STX8: variants seen among roughly 807,000 people sequenced by gnomAD.
STX8 encodes syntaxin-8.
STX8 carries 23 observed loss-of-function variants against 37.5 expected under a neutral mutation model. That is an observed-to-expected ratio of 0.61 (90% CI 0.44 to 0.87). The LOEUF is 0.87. Ranked by LOEUF, STX8 falls within the 40% of genes least tolerant of loss-of-function variation. The pLI, the probability that STX8 is intolerant of heterozygous loss-of-function variation, is 0.00. For synonymous variants in STX8, 115 were observed against 99.1 expected (o/e 1.16, Z -0.95); for missense variants, 313 against 284.7 (o/e 1.10, Z -0.71).
chr17:9,546,595 T>TTTG (rs1169616010), intron 3 of STX8, among the ~76,000 whole-genome samples: 25 of 114,356 alleles, frequency 2.2e-4, no homozygotes, highest in African/African-American at 7.8e-4. Context: ...AAAGTGGTTT[T>TTTG]TTTTTTTTTT....
intron 4 of STX8, among the ~76,000 whole-genome samples, chr17:9,525,400 G>A (rs1171731912): frequency 1.3e-5 from 2 of 151,188 alleles, no homozygotes; most frequent in Non-Finnish European, 2.9e-5. Flanking sequence ...AGGCTGGAGT[G>A]CAATGGCATG....
At chr17:9,300,331 CA>C (rs3060137) in intron 7 of STX8, among the ~76,000 whole-genome samples, 3,643 of 69,252 alleles carry the variant, frequency 0.053, 47 homozygotes, top group Middle Eastern at 0.11. Context: ...AACTCCATCT[CA>C]AAAAAAAAAA....
At position 9,350,611 on chromosome 17, in the gene STX8, C is replaced by A. The variant is rs138415944; in HGVS notation, c.643+27941G>T. ...GCAGTGGCACGATCTCGGCTCACTG[C>A]AACCTCTGCCTCCCAGGTTCAAGTG... On this transcript the variant is annotated intron_variant, in intron 7 of 7. Transcript: ENST00000306357. 4.9e-3 allele frequency among the ~76,000 whole-genome samples: 750 copies of A among 152,294 alleles called. 2 individuals carry two copies. The highest frequency in any genetic ancestry group is 0.017 in the African/African-American group (712 of 41,554).
At chr17:9,425,646 T>C (rs1038800686) in intron 6 of STX8, among the ~76,000 whole-genome samples, 4 of 152,172 alleles carry the variant, frequency 2.6e-5, no homozygotes, top group Admixed American at 2.6e-4. Context: ...AAAATTTCAA[T>C]GTGTTAAGAT....
At chr17:9,448,629 A>T (rs1904937348) in intron 6 of STX8, among the ~76,000 whole-genome samples, 1 of 152,194 alleles carries the variant, frequency 6.6e-6, no homozygotes, top group Admixed American at 6.5e-5. Flanking sequence ...ATCTATACCT[A>T]TCTATGTATA....
intron 6 of STX8, among the ~76,000 whole-genome samples, chr17:9,463,085 G>T (rs1257735868): frequency 6.6e-6 from 1 of 152,216 alleles, no homozygotes; most frequent in African/African-American, 2.4e-5. Flanking sequence ...CACTGAGGAA[G>T]AATGTAAAAG....
intron 6 of STX8, among the ~76,000 whole-genome samples, chr17:9,404,982 A>ATT (rs113556947): frequency 4.1e-5 from 6 of 146,716 alleles, no homozygotes; most frequent in African/African-American, 1.5e-4. Context: ...CACATCCCCA[A>ATT]TTTTTTTTTT....
chr17:9,334,139 G>GGA (rs1910063614), intron 7 of STX8, among the ~76,000 whole-genome samples: 1 of 119,938 alleles, frequency 8.3e-6, no homozygotes, highest in Admixed American at 8.6e-5. Flanking sequence ...TCCTGGGTGC[G>GGA]GGGGGGTGTG....
At chr17:9,264,332 T>C (rs1254656100) in intron 7 of STX8, among the ~76,000 whole-genome samples, 1 of 152,192 alleles carries the variant, frequency 6.6e-6, no homozygotes, top group Non-Finnish European at 1.5e-5. Flanking sequence ...TGAGACAGGG[T>C]CTTACTCTGT....
chr17:9,299,223 C>T (rs1016858446), intron 7 of STX8, among the ~76,000 whole-genome samples: 18 of 152,050 alleles, frequency 1.2e-4, no homozygotes, highest in Admixed American at 2.6e-4. Flanking sequence ...ATGCATAGCT[C>T]ATCATAGTTT....
At chr17:9,450,537 C>T (rs201718145) in intron 6 of STX8, among the ~76,000 whole-genome samples, 4 of 151,364 alleles carry the variant, frequency 2.6e-5, no homozygotes, top group South Asian at 2.1e-4. Flanking sequence ...TAGCCTCAAA[C>T]GATCCTCCAG....
chr17:9,532,255 T>G (rs533916866), intron 4 of STX8, among the ~76,000 whole-genome samples: 2 of 152,140 alleles, frequency 1.3e-5, no homozygotes, highest in Non-Finnish European at 2.9e-5. Context: ...AAACTTCGAA[T>G]AGCTACTCTG....
At chr17:9,473,933 AG>A (rs1178224248) in intron 6 of STX8, among the ~76,000 whole-genome samples, 1 of 152,242 alleles carries the variant, frequency 6.6e-6, no homozygotes, top group Non-Finnish European at 1.5e-5. Context: ...AGAAAGGGCT[AG>A]CCATACCAAT....
intron 7 of STX8, among the ~76,000 whole-genome samples, chr17:9,331,034 T>C (rs1040570479): frequency 6.6e-6 from 1 of 152,206 alleles, no homozygotes; most frequent in East Asian, 1.9e-4. Context: ...ATTTTAGACA[T>C]GCCTCTGGTT....
chr17:9,518,026 C>G (rs1905206987), intron 4 of STX8, among the ~76,000 whole-genome samples: 1 of 151,992 alleles, frequency 6.6e-6, no homozygotes, highest in African/African-American at 2.4e-5. Context: ...CTACAGTGAC[C>G]CTCCATTTGT....
intron 3 of STX8, chr17:9,554,563 A>C (rs1906893603): frequency 6.6e-6 from 1 of 152,206 alleles, no homozygotes. Flanking sequence ...GGAGAATTAA[A>C]AAGAGGCCTT....
chr17:9,345,692 CTTTT>C (rs56831788), intron 7 of STX8, among the ~76,000 whole-genome samples: 6 of 139,796 alleles, frequency 4.3e-5, no homozygotes, highest in Admixed American at 1.4e-4. Flanking sequence ...ATCTCACATA[CTTTT>C]TTTTTTTTTT....
chr17:9,398,376 G>T (rs141924262), intron 6 of STX8, among the ~76,000 whole-genome samples: 11 of 152,260 alleles, frequency 7.2e-5, no homozygotes, highest in African/African-American at 2.6e-4. Context: ...AATTCTAGCT[G>T]TGTAGTATCC....
At chr17:9,255,383 C>T (rs995820687) in intron 7 of STX8, among the ~76,000 whole-genome samples, 12 of 151,906 alleles carry the variant, frequency 7.9e-5, no homozygotes, top group Middle Eastern at 3.2e-3. Flanking sequence ...AAAAATTAAC[C>T]GGGCATGGTG....
Sources: gnomAD v4.1 joint callset for allele counts (sites outside exome capture counted in the v4.1 genomes callset) on GRCh38, gnomAD v4.1.1 for gene constraint, MANE v1.5 for transcripts, NCBI Gene and HGNC (gene_info 2026-07-23, HGNC 2026-07-21) for gene names.